Variants in SUCLG1 observed in about 807,000 individuals in gnomAD.
The protein encoded by SUCLG1 is succinate-CoA ligase GDP/ADP-forming subunit alpha.
Under a neutral mutation model 37.3 loss-of-function variants are expected in SUCLG1, and 26 were observed. The ratio of observed to expected loss-of-function variants is 0.70; its 90% CI spans 0.51 to 0.97. The LOEUF (loss-of-function observed/expected upper bound fraction) is 0.97, where lower values mean the gene tolerates loss of function less well. Ranked by LOEUF, SUCLG1 falls within the 50% of genes least tolerant of loss-of-function variation. The pLI is 0.00. For missense variants in SUCLG1, 433 were observed against 432.9 expected, an observed-to-expected ratio of 1.00 and a Z score of 0.00; for synonymous variants, 163 against 155.6, an observed-to-expected ratio of 1.05 and a Z score of -0.36.
chr2:84,453,292 A>C (rs1009666530), intron 1 of SUCLG1, among the ~76,000 whole-genome samples: 1 of 152,176 alleles, frequency 6.6e-6, no homozygotes, highest in African/African-American at 2.4e-5. Flanking sequence ...AGCCAACAAA[A>C]AGTGGAGCCC....
At chr2:84,454,062 T>A (rs1223291249) in intron 1 of SUCLG1, among the ~76,000 whole-genome samples, 1 of 152,168 alleles carries the variant, frequency 6.6e-6, no homozygotes, top group African/African-American at 2.4e-5. Context: ...ACTCCTTAAA[T>A]TGGCACCAGG....
At chr2:84,443,099 G>A in intron 3 of SUCLG1, 185 bp downstream of exon 3, 1 of 647,780 alleles carries the variant, frequency 1.5e-6, no homozygotes, top group Non-Finnish European at 2.8e-6. Context: ...TCCCTTAATA[G>A]CTGATTCATA....
At chr2:84,450,430 A>C (rs1014351042) in intron 1 of SUCLG1, among the ~76,000 whole-genome samples, 3 of 151,524 alleles carry the variant, frequency 2.0e-5, no homozygotes, top group South Asian at 2.1e-4. Context: ...AAAAAAAAAA[A>C]CCCTAGGTTA....
intron 1 of SUCLG1, among the ~76,000 whole-genome samples, chr2:84,450,464 A>C (rs1430420514): frequency 6.6e-6 from 1 of 151,954 alleles, no homozygotes; most frequent in Non-Finnish European, 1.5e-5. Flanking sequence ...CCTAAAAGAG[A>C]AATTGAGAAA....
At chr2:84,439,174 T>G (rs1264486436) in intron 5 of SUCLG1, among the ~76,000 whole-genome samples, 2 of 150,862 alleles carry the variant, frequency 1.3e-5, no homozygotes, top group African/African-American at 4.9e-5. Context: ...GTGTCACATA[T>G]TTTCTTCTTT....
intron 1 of SUCLG1, 107 bp from the exon 2 acceptor site, chr2:84,449,859 A>G (rs1364272008): frequency 4.9e-6 from 4 of 815,472 alleles, no homozygotes; most frequent in Admixed American, 5.2e-5. Context: ...TCTTTAATGC[A>G]CGCGCTATCC....
At position 84,424,506 on chromosome 2, in the gene SUCLG1, G is replaced by A. The variant is rs2104235576; in HGVS notation, c.1015-734C>T. 3.3e-5 allele frequency among the ~76,000 whole-genome samples: 5 copies of A among 152,206 alleles called. No individual in the cohort carries two copies. In the South Asian group the frequency reaches 1.0e-3, roughly 32 times the overall value. Reference sequence around the variant, plus strand: ...ACATAGTGTTATATTCCAAGAGCAGGATCATGCAAAGATCAATAAAAAAAG... The same window carrying A: ...ACATAGTGTTATATTCCAAGAGCAGAATCATGCAAAGATCAATAAAAAAAG... On this transcript the variant is annotated intron_variant, in intron 8 of 8. Transcript: ENST00000393868.
rs957668469 is a variant in SUCLG1, at chr2:84,441,479, G to C, written c.319-20C>G. On this transcript the variant is annotated intron_variant, in intron 3 of 8. Transcript: ENST00000393868. The stretch of plus-strand genomic sequence containing the variant: ...TTTGGCCTGAAACATTAACGACGAA[G>C]CACCTTATTATTTGTTAAATCATAA... 2.5e-6 allele frequency: 4 copies of C among 1,610,050 alleles called. No individual in the cohort carries two copies. The Admixed American group carries it at 5.0e-5, about 20-fold the overall frequency.
intron 1 of SUCLG1, among the ~76,000 whole-genome samples, chr2:84,455,649 C>T (rs1673008023): frequency 6.6e-6 from 1 of 151,872 alleles, no homozygotes; most frequent in Non-Finnish European, 1.5e-5. Context: ...TCCTGGCTAA[C>T]ACAGTGAAAC....
At chr2:84,428,502 G>A (rs1354403900) in intron 7 of SUCLG1, among the ~76,000 whole-genome samples, 1 of 152,146 alleles carries the variant, frequency 6.6e-6, no homozygotes, top group Non-Finnish European at 1.5e-5. Context: ...TAGAATATGA[G>A]AATCTCATGT....
chr2:84,438,355 A>G (rs1375338818), intron 5 of SUCLG1, among the ~76,000 whole-genome samples: 1 of 152,244 alleles, frequency 6.6e-6, no homozygotes, highest in Non-Finnish European at 1.5e-5. Flanking sequence ...TGTCTATCAT[A>G]AGAGAAATAA....
At chr2:84,431,936 C>T (rs576543602) in intron 6 of SUCLG1, among the ~76,000 whole-genome samples, 7 of 152,262 alleles carry the variant, frequency 4.6e-5, no homozygotes, top group African/African-American at 1.7e-4. Context: ...GTTTTAGCTC[C>T]TTTATCAAGC....
At chr2:84,442,242 CTCTCTA>C (rs1469186163) in intron 3 of SUCLG1, among the ~76,000 whole-genome samples, 1 of 151,170 alleles carries the variant, frequency 6.6e-6, no homozygotes, top group Non-Finnish European at 1.5e-5. Flanking sequence ...AAAACATCTC[CTCTCTA>C]TATTTTGAGG....
At chr2:84,448,297 G>A (rs1032484561) in intron 2 of SUCLG1, among the ~76,000 whole-genome samples, 1 of 151,732 alleles carries the variant, frequency 6.6e-6, no homozygotes, top group African/African-American at 2.4e-5. Flanking sequence ...TTATTGGAAC[G>A]CACCCAGGCC....
intron 2 of SUCLG1, among the ~76,000 whole-genome samples, chr2:84,444,870 C>T (rs905654934): frequency 1.3e-5 from 2 of 152,162 alleles, no homozygotes; most frequent in East Asian, 1.9e-4. Context: ...AAAAATATGG[C>T]TCTGTTCCGC....
intron 2 of SUCLG1, among the ~76,000 whole-genome samples, chr2:84,449,230 C>T (rs1672898376): frequency 6.6e-6 from 1 of 152,174 alleles, no homozygotes; most frequent in Admixed American, 6.5e-5. Flanking sequence ...TGGGTTTGAG[C>T]ATTTCTCCAC....
Position 84,441,403 on chromosome 2 carries a change from A to G in SUCLG1, c.375T>C (p.Ala125=). 6.2e-7 allele frequency: 1 copy of G among 1,614,208 alleles called. No homozygotes were observed. The highest frequency in any genetic ancestry group is 8.5e-7 in the Non-Finnish European group (1 of 1,180,036). The change falls in exon 4 of 9, where the codon GCT becomes GCC. Residue 125 remains alanine, a synonymous_variant. Transcript: ENST00000393868. ...ASVIYVPPPF[A]AAAINEAIEA... ...CAATAGCTTCATTAATGGCAGCAGC[A>G]GCAAAAGGCGGAGGAACATAAATGA...
chr2:84,451,276 CTCATA>C (rs112772303), intron 1 of SUCLG1, among the ~76,000 whole-genome samples: 2,274 of 152,128 alleles, frequency 0.015, 48 homozygotes, highest in East Asian at 0.066. Flanking sequence ...TCAACAAATG[CTCATA>C]TCATATCATA....
intron 7 of SUCLG1, among the ~76,000 whole-genome samples, chr2:84,427,719 G>A (rs2104239336): frequency 6.6e-6 from 1 of 152,290 alleles, no homozygotes; most frequent in South Asian, 2.1e-4. Flanking sequence ...GAAGAGATCT[G>A]TCTGAATTAC....
Sources: allele counts gnomAD v4.1 joint callset (sites outside exome capture counted in the v4.1 genomes callset), GRCh38; gene constraint gnomAD v4.1.1; transcripts MANE v1.5; gene names NCBI Gene and HGNC (gene_info 2026-07-23, HGNC 2026-07-21).